ELAVL4: variants seen among roughly 807,000 people sequenced by gnomAD.
ELAVL4 encodes ELAV like RNA binding protein 4, also known as ELAV-like protein 4.
In ELAVL4, 1 loss-of-function variant was observed where a neutral mutation model predicts 35.6. That is an observed-to-expected ratio of 0.03 (90% CI 0.01 to 0.13). ELAVL4 has a LOEUF of 0.13. Among genes scored for constraint, ELAVL4 ranks in the 10% least tolerant of loss-of-function variants. The pLI, the probability that ELAVL4 is intolerant of heterozygous loss-of-function variation, is 1.00. For missense variants in ELAVL4, 267 were observed against 464.9 expected, an observed-to-expected ratio of 0.57 and a Z score of 3.91; for synonymous variants, 156 against 171.0, an observed-to-expected ratio of 0.91 and a Z score of 0.69.
In ELAVL4 at chr1:50,203,648, A is replaced by C. The variant is rs1332989016; in HGVS notation, c.*2470A>C. ...AGTTATTAATGAATGACTTCATGTT[A>C]ATCTTGCTAGTTTAGATGATTTCCA... On this transcript the variant is annotated 3_prime_UTR_variant, in exon 7 of 7. Coordinates refer to ENST00000371824, the MANE Select transcript of ELAVL4 (RefSeq NM_001144774.3). 6.6e-6 allele frequency: 1 copy of C among 152,178 alleles called. No individual in the cohort carries two copies. Among genetic ancestry groups the C allele is most frequent in the Non-Finnish European group, 1.5e-5 (1 of 68,012 alleles). 9.4% of individuals were successfully genotyped at this position (152,178 alleles called of 1,614,324 possible). A position where few individuals can be genotyped will look rare whatever the true frequency, so the allele number is the denominator to read the frequency against.
rs770769647 is a variant in ELAVL4 at position 50,171,157 on chromosome 1, T to C, written c.251-5932T>C. Among the ~76,000 whole-genome samples, 6 of 152,202 alleles carry C rather than the reference T, an allele frequency of 3.9e-5. No homozygotes were observed. The East Asian group carries it at 9.7e-4, about 25-fold the overall frequency. On this transcript the variant is annotated intron_variant, in intron 2 of 6. Coordinates refer to ENST00000371824, the MANE Select transcript of ELAVL4 (RefSeq NM_001144774.3). ...CTTGCAGGAAATAAGCCAAGACTCA[T>C]TGTAAGCCTCTCAGAGGTGGGATGG...
intron 2 of ELAVL4, among the ~76,000 whole-genome samples, chr1:50,162,944 C>T (rs200204563): frequency 2.7e-4 from 41 of 152,150 alleles, no homozygotes; most frequent in Non-Finnish European, 5.1e-4. Flanking sequence ...ATTACAGATG[C>T]TTAAATGCTT....
chr1:50,188,336 T>C (rs1202636206), intron 3 of ELAVL4, among the ~76,000 whole-genome samples: 1 of 152,154 alleles, frequency 6.6e-6, no homozygotes, highest in African/African-American at 2.4e-5. Context: ...CCACTTACTA[T>C]GAACCACAGT....
At chr1:50,179,111 T>A (rs918425945) in intron 3 of ELAVL4, among the ~76,000 whole-genome samples, 1 of 152,122 alleles carries the variant, frequency 6.6e-6, no homozygotes, top group African/African-American at 2.4e-5. Flanking sequence ...GATCATTGAT[T>A]ATTTTCTTTC....
rs913746925 is a variant in ELAVL4, at chr1:50,048,207, C to G, written c.18+25C>G. 6.0e-6 allele frequency: 9 copies of G among 1,508,526 alleles called. 1 individual carries two copies. Among genetic ancestry groups the G allele is most frequent in the Middle Eastern group, 1.7e-4 (1 of 5,890 alleles). The allele number at this position is 1,508,526 out of a possible 1,614,324, so 93.4% of individuals were successfully genotyped here. A position where few individuals can be genotyped will look rare whatever the true frequency, so the allele number is the denominator to read the frequency against. On this transcript the variant is annotated intron_variant, in intron 1 of 6. Coordinates refer to the ELAVL4 transcript ENST00000448907. ...GGTAGAAGCGCCTCGGCGCAGGCCC[C>G]GCACCCCCGACTCTGCCCGCCCTCT...
intron 2 of ELAVL4, among the ~76,000 whole-genome samples, chr1:50,167,864 C>T (rs1239737272): frequency 6.6e-6 from 1 of 152,202 alleles, no homozygotes; most frequent in Non-Finnish European, 1.5e-5. Flanking sequence ...CATCCACATA[C>T]CTCTCCCCAA....
intron 1 of ELAVL4, among the ~76,000 whole-genome samples, chr1:50,064,336 A>G (rs1366520534): frequency 2.6e-5 from 4 of 151,992 alleles, no homozygotes. Context: ...CTAGAACACC[A>G]CCTGCTGACA....
intron 1 of ELAVL4, among the ~76,000 whole-genome samples, chr1:50,088,579 C>G (rs1424038511): frequency 6.6e-6 from 1 of 152,166 alleles, no homozygotes; most frequent in Non-Finnish European, 1.5e-5. Flanking sequence ...ATATTTAATT[C>G]AATCTCGGAC....
intron 2 of ELAVL4, among the ~76,000 whole-genome samples, chr1:50,175,090 A>G (rs1354991067): frequency 1.3e-5 from 2 of 152,222 alleles, no homozygotes; most frequent in African/African-American, 2.4e-5. Context: ...AATATCCTTT[A>G]AAAGCAGCTC....
At chr1:50,117,140 C>G (rs1668086420) in intron 1 of ELAVL4, among the ~76,000 whole-genome samples, 1 of 151,942 alleles carries the variant, frequency 6.6e-6, no homozygotes, top group South Asian at 2.1e-4. Context: ...TTTTAGGTGA[C>G]TTTGGGGGAG....
intron 2 of ELAVL4, among the ~76,000 whole-genome samples, chr1:50,154,382 A>C (rs1031810763): frequency 1.6e-5 from 2 of 128,600 alleles, no homozygotes; most frequent in Non-Finnish European, 3.3e-5. Flanking sequence ...CTTGCTTTCC[A>C]CCTACTTAGT....
At chr1:50,191,338 T>A (rs1457436730) in intron 3 of ELAVL4, among the ~76,000 whole-genome samples, 2 of 152,094 alleles carry the variant, frequency 1.3e-5, no homozygotes, top group African/African-American at 4.8e-5. Context: ...CATTGGAAAA[T>A]GGGAAATATG....
chr1:50,165,732 ATG>A (rs1399715477), intron 2 of ELAVL4, among the ~76,000 whole-genome samples: 8 of 144,196 alleles, frequency 5.5e-5, no homozygotes, highest in African/African-American at 1.8e-4. Flanking sequence ...ATACATGTAT[ATG>A]TGTGTATATA....
chr1:50,166,628 T>G (rs1210685339), intron 2 of ELAVL4, among the ~76,000 whole-genome samples: 2 of 152,156 alleles, frequency 1.3e-5, no homozygotes, highest in Non-Finnish European at 2.9e-5. Flanking sequence ...ATTCCTGAGG[T>G]GTCTGGGCCA....
intron 1 of ELAVL4, among the ~76,000 whole-genome samples, chr1:50,075,678 A>G (rs577404350): frequency 6.6e-6 from 1 of 152,228 alleles, no homozygotes; most frequent in Non-Finnish European, 1.5e-5. Context: ...CTATTTTTTG[A>G]CTTTACGATG....
At chr1:50,127,162 G>T (rs1670079645) in intron 1 of ELAVL4, among the ~76,000 whole-genome samples, 2 of 152,098 alleles carry the variant, frequency 1.3e-5, no homozygotes, top group Admixed American at 6.6e-5. Flanking sequence ...GTCCCCGTGT[G>T]CTCTGCCTCT....
At chr1:50,114,718 T>A (rs1284575351) in intron 1 of ELAVL4, among the ~76,000 whole-genome samples, 1 of 152,112 alleles carries the variant, frequency 6.6e-6, no homozygotes, top group African/African-American at 2.4e-5. Context: ...TTCACACCTT[T>A]AATTATATCC....
At chr1:50,070,370 G>T (rs1262447964) in intron 1 of ELAVL4, among the ~76,000 whole-genome samples, 1 of 152,142 alleles carries the variant, frequency 6.6e-6, no homozygotes, top group Non-Finnish European at 1.5e-5. Flanking sequence ...GGTCCTCTAT[G>T]GGACTCCCTG....
At chr1:50,183,673 T>G (rs1029807358) in intron 3 of ELAVL4, among the ~76,000 whole-genome samples, 63 of 152,150 alleles carry the variant, frequency 4.1e-4, no homozygotes, top group Non-Finnish European at 4.7e-4. Context: ...TCCCACTTCT[T>G]TCTCTTGCCA....
Sources: gnomAD v4.1 joint callset for allele counts (sites outside exome capture counted in the v4.1 genomes callset) on GRCh38, gnomAD v4.1.1 for gene constraint, MANE v1.5 for transcripts, NCBI Gene and HGNC (gene_info 2026-07-23, HGNC 2026-07-21) for gene names.